UCK2: variants seen among roughly 807,000 people sequenced by gnomAD.
UCK2 encodes cytidine monophosphokinase 2.
Under a neutral mutation model 30.8 loss-of-function variants are expected in UCK2, and 6 were observed. The observed-to-expected ratio is 0.19, with a 90% CI of 0.11 to 0.38. The LOEUF is 0.38. UCK2 is among the 10% of genes least tolerant of loss of function. The pLI is 1.00. For missense variants in UCK2, 210 were observed against 339.8 expected (o/e 0.62, Z 3.00); for synonymous variants, 125 against 133.6 (o/e 0.94, Z 0.45).
chr1:165,888,217 A>G lies in UCK2; in HGVS notation c.100-1987A>G, dbSNP rs370150989. ...TAAAATCGTTGATGAAATAAATTCA[A>G]TAGTAAAACTTCTAAGATTTGAGTC... On this transcript the variant is annotated intron_variant, in intron 1 of 6. Transcript: ENST00000367879. 8.5e-5 allele frequency among the ~76,000 whole-genome samples: 13 copies of G among 152,298 alleles called. No homozygotes were observed. The South Asian group carries it at 1.2e-3, about 15-fold the overall frequency.
intron 1 of UCK2, among the ~76,000 whole-genome samples, chr1:165,859,359 C>G (rs915346025): frequency 1.3e-5 from 2 of 152,150 alleles, no homozygotes. Flanking sequence ...GTTGGAGACT[C>G]GCTGCTGGTC....
intron 1 of UCK2, among the ~76,000 whole-genome samples, chr1:165,836,945 G>A (rs1343601081): frequency 6.6e-6 from 1 of 152,178 alleles, no homozygotes; most frequent in African/African-American, 2.4e-5. Flanking sequence ...TCCCGTCCTG[G>A]AAGGCAGAAG....
chr1:165,877,532 T>C (rs750644808), intron 1 of UCK2, among the ~76,000 whole-genome samples: 1 of 152,228 alleles, frequency 6.6e-6, no homozygotes, highest in Non-Finnish European at 1.5e-5. Context: ...TGTAACCTTT[T>C]GGAATTGCCC....
intron 5 of UCK2, among the ~76,000 whole-genome samples, chr1:165,905,714 CA>C (rs1277649923): frequency 6.6e-6 from 1 of 152,146 alleles, no homozygotes; most frequent in Non-Finnish European, 1.5e-5. Context: ...TTCAGCTAAA[CA>C]AGGCACTTCC....
At chr1:165,829,669 C>T (rs1347988187) in intron 1 of UCK2, among the ~76,000 whole-genome samples, 1 of 152,192 alleles carries the variant, frequency 6.6e-6, no homozygotes, top group Admixed American at 6.5e-5. Context: ...TCTCAGTCGT[C>T]ACCTGTTCTA....
intron 1 of UCK2, among the ~76,000 whole-genome samples, chr1:165,887,594 TTTG>T (rs1252893842): frequency 5.3e-5 from 8 of 152,154 alleles, no homozygotes; most frequent in Admixed American, 1.3e-4. Flanking sequence ...CTTTTTTGTT[TTTG>T]TTCTTTGGAA....
chr1:165,902,596 T>TG (rs2101888110), intron 4 of UCK2: 1 of 89,298 alleles, frequency 1.1e-5, no homozygotes, highest in Non-Finnish European at 2.5e-5. Context: ...TGAGTGATTT[T>TG]TTTTTTTTTT....
intron 1 of UCK2, among the ~76,000 whole-genome samples, chr1:165,883,231 C>T (rs896032267): frequency 1.3e-5 from 2 of 152,118 alleles, no homozygotes; most frequent in South Asian, 2.1e-4. Flanking sequence ...CTTCAGCTAT[C>T]AGGTCTTCAT....
intron 1 of UCK2, among the ~76,000 whole-genome samples, chr1:165,859,024 C>G (rs1654822640): frequency 6.6e-6 from 1 of 152,190 alleles, no homozygotes; most frequent in Admixed American, 6.5e-5. Flanking sequence ...ATTGCTACAA[C>G]ATGTTGAATA....
At chr1:165,906,913 A>G (rs1438632412) in intron 6 of UCK2, among the ~76,000 whole-genome samples, 2 of 152,270 alleles carry the variant, frequency 1.3e-5, no homozygotes, top group Non-Finnish European at 2.9e-5. Context: ...GAATGCAGTC[A>G]TTAAATTCAA....
At chr1:165,829,162 A>G (rs1195087272) in intron 1 of UCK2, among the ~76,000 whole-genome samples, 2 of 152,120 alleles carry the variant, frequency 1.3e-5, no homozygotes, top group Middle Eastern at 3.4e-3. Flanking sequence ...GGACTTCTTT[A>G]TTGATGAAGT....
At chr1:165,856,361 C>A (rs111988411) in intron 1 of UCK2, among the ~76,000 whole-genome samples, 6 of 151,156 alleles carry the variant, frequency 4.0e-5, no homozygotes, top group African/African-American at 1.2e-4. Flanking sequence ...GCAAACATTA[C>A]GTGCCTGTTG....
At chr1:165,841,465 C>T (rs942365700) in intron 1 of UCK2, among the ~76,000 whole-genome samples, 2 of 152,120 alleles carry the variant, frequency 1.3e-5, no homozygotes, top group African/African-American at 2.4e-5. Flanking sequence ...GGATTACAGG[C>T]GTGAGCCACC....
chr1:165,836,015 G>C (rs1654179942), intron 1 of UCK2, among the ~76,000 whole-genome samples: 1 of 152,152 alleles, frequency 6.6e-6, no homozygotes, highest in South Asian at 2.1e-4. Context: ...GATTACCTAA[G>C]GTCAGGAGTT....
chr1:165,832,169 T>C (rs1401462715), intron 1 of UCK2, among the ~76,000 whole-genome samples: 5 of 152,234 alleles, frequency 3.3e-5, no homozygotes, highest in African/African-American at 2.4e-5. Context: ...CCTTTAGTCT[T>C]TTTAAGGCTC....
intron 1 of UCK2, among the ~76,000 whole-genome samples, chr1:165,873,481 A>T (rs1655253455): frequency 1.3e-5 from 2 of 152,188 alleles, no homozygotes; most frequent in Non-Finnish European, 2.9e-5. Flanking sequence ...TTAGAAAAAG[A>T]TTATTACGTT....
In UCK2 at chr1:165,869,165, A is replaced by G. The variant is rs1655126521; in HGVS notation, c.100-21039A>G. On this transcript the variant is annotated intron_variant, in intron 1 of 6. Coordinates refer to ENST00000367879, the MANE Select transcript of UCK2 (RefSeq NM_012474.5). ...TGGTTGGTGGCACCCCGAAATAATT[A>G]CAATAGTAATGTCAAAGATCACTGA... Among the ~76,000 whole-genome samples the G allele has an allele frequency of 2.0e-5, 3 of 152,244 alleles. No homozygotes were observed. The South Asian group carries it at 6.2e-4, about 32-fold the overall frequency.
intron 1 of UCK2, chr1:165,885,495 A>G: frequency 2.5e-6 from 1 of 393,980 alleles, no homozygotes; most frequent in Non-Finnish European, 4.5e-6. Flanking sequence ...ACAACACCCA[A>G]CAGTCCTAGC....
chr1:165,904,843 G>A (rs899460329), intron 5 of UCK2, among the ~76,000 whole-genome samples: 1 of 152,186 alleles, frequency 6.6e-6, no homozygotes, highest in Admixed American at 6.5e-5. Flanking sequence ...GCAGTTACTT[G>A]TAGAATGGTC....
Sources: gnomAD v4.1 joint callset for allele counts (sites outside exome capture counted in the v4.1 genomes callset) on GRCh38, gnomAD v4.1.1 for gene constraint, MANE v1.5 for transcripts, NCBI Gene and HGNC (gene_info 2026-07-23, HGNC 2026-07-21) for gene names.